TNFRSF13B: variants seen among roughly 807,000 people sequenced by gnomAD.
The protein encoded by TNFRSF13B is tumor necrosis factor receptor superfamily member 13B.
Under a neutral mutation model 24.0 loss-of-function variants are expected in TNFRSF13B, and 34 were observed. The observed-to-expected ratio is 1.41, with a 90% confidence interval of 1.08 to 1.88. The LOEUF (loss-of-function observed/expected upper bound fraction) is 1.88, where lower values mean the gene tolerates loss of function less well. Among genes scored for constraint, TNFRSF13B ranks in the 40% most tolerant of loss-of-function variants. The pLI, the probability that TNFRSF13B is intolerant of heterozygous loss-of-function variation, is 0.00. For missense variants in TNFRSF13B, 415 were observed against 380.8 expected, an observed-to-expected ratio of 1.09 and a Z score of -0.75; for synonymous variants, 173 against 150.3, an observed-to-expected ratio of 1.15 and a Z score of -1.10.
intron 1 of TNFRSF13B, among the ~76,000 whole-genome samples, chr17:16,970,112 G>A (rs973115049): frequency 6.6e-6 from 1 of 152,070 alleles, no homozygotes; most frequent in Admixed American, 6.6e-5. Flanking sequence ...GCCTGTCCCC[G>A]CCCCCTCCTC....
At chr17:16,940,842 G>C in intron 3 of TNFRSF13B, 4 of 1,247,292 alleles carry the variant, frequency 3.2e-6, no homozygotes, top group Non-Finnish European at 4.1e-6. Flanking sequence ...CGATGCTCCA[G>C]GGAGCATGTC....
At chr17:16,959,586 AGACT>A (rs1178824090) in intron 1 of TNFRSF13B, among the ~76,000 whole-genome samples, 1 of 152,078 alleles carries the variant, frequency 6.6e-6, no homozygotes, top group African/African-American at 2.4e-5. Context: ...ACCTTTAGGT[AGACT>A]GACTATGAAA....
intron 1 of TNFRSF13B, among the ~76,000 whole-genome samples, chr17:16,969,631 T>C (rs1272683600): frequency 6.6e-6 from 1 of 152,172 alleles, no homozygotes; most frequent in Non-Finnish European, 1.5e-5. Context: ...GTAAATATAC[T>C]AAAAACACAG....
At position 16,940,368 on chromosome 17, in the gene TNFRSF13B, G is replaced by T; in HGVS notation, c.589C>A (p.Pro197Thr). Reference sequence around the variant, plus strand: ...GGACTTTGACGGGGCCTTGAGCGGGGCTGGCAGGAGCAGGGATCCCCCCTC... The same window carrying T: ...GGACTTTGACGGGGCCTTGAGCGGGTCTGGCAGGAGCAGGGATCCCCCCTC... Reference protein sequence around the residue: ...KKRGDPCSCQPRSRPRQSPAK... With the variant: ...KKRGDPCSCQTRSRPRQSPAK... Residue 197 changes from proline to threonine, a missense_variant, in exon 4 of 5, where the codon CCC becomes ACC. By Grantham distance (38) the Pro-to-Thr change is conservative (BLOSUM62 -1). Coordinates refer to ENST00000261652, the MANE Select transcript of TNFRSF13B (RefSeq NM_012452.3). 1 of 1,613,944 alleles carries T rather than the reference G, an allele frequency of 6.2e-7. No homozygotes were observed. The highest frequency in any genetic ancestry group is 8.5e-7 in the Non-Finnish European group (1 of 1,180,012).
At chr17:16,941,527 G>C (rs1282869745) in intron 3 of TNFRSF13B, 1 of 987,518 alleles carries the variant, frequency 1.0e-6, no homozygotes, top group Non-Finnish European at 1.2e-6. Context: ...GTCAAGAAGA[G>C]CGAGTCCCAC....
chr17:16,953,862 C>T (rs577561397), intron 1 of TNFRSF13B, among the ~76,000 whole-genome samples: 6 of 152,254 alleles, frequency 3.9e-5, no homozygotes, highest in Admixed American at 1.3e-4. Flanking sequence ...CTCCACCTCC[C>T]GGGTTCAAGC....
chr17:16,942,872 G>T lies in TNFRSF13B; in HGVS notation c.446-2361C>A, dbSNP rs147505459. Among the ~76,000 whole-genome samples, 328 of 152,362 alleles carry T rather than the reference G, an allele frequency of 2.2e-3. 1 individual carries two copies. Among genetic ancestry groups the T allele is most frequent in the African/African-American group, 7.4e-3 (308 of 41,590 alleles). ...CATGCCCTGTGGACCTTCTGGGCTG[G>T]ACTGGGCCTCATCCTATCCAGGAGA... On this transcript the variant is annotated intron_variant, in intron 3 of 4. Transcript: ENST00000261652.
chr17:16,967,487 G>A (rs2087709942), intron 1 of TNFRSF13B, among the ~76,000 whole-genome samples: 1 of 151,714 alleles, frequency 6.6e-6, no homozygotes, highest in Admixed American at 6.6e-5. Context: ...GGGCGCAGTG[G>A]CTCACACCTG....
chr17:16,958,172 T>C (rs1212519125), intron 1 of TNFRSF13B, among the ~76,000 whole-genome samples: 1 of 152,002 alleles, frequency 6.6e-6, no homozygotes, highest in African/African-American at 2.4e-5. Context: ...TTATTCAAAC[T>C]AGGACGTCAT....
chr17:16,950,417 TGA>T (rs2087580699), intron 2 of TNFRSF13B, among the ~76,000 whole-genome samples: 1 of 152,268 alleles, frequency 6.6e-6, no homozygotes, highest in Non-Finnish European at 1.5e-5. Context: ...AATATTCATT[TGA>T]GCCTCTTCAC....
At position 16,939,576 on chromosome 17, in the gene TNFRSF13B, G is replaced by A; in HGVS notation, c.853C>T (p.Pro285Ser). 1 of 1,612,986 alleles carries A rather than the reference G, an allele frequency of 6.2e-7. No individual in the cohort carries two copies. Among genetic ancestry groups the A allele is most frequent in the Non-Finnish European group, 8.5e-7 (1 of 1,179,550 alleles). Residue 285 changes from proline to serine, a missense_variant, in exon 5 of 5, where the codon CCT becomes TCT. Pro to Ser is a moderately conservative substitution (Grantham distance 74). Coordinates refer to ENST00000261652, the MANE Select transcript of TNFRSF13B (RefSeq NM_012452.3). ...PDSGLGIVCV[P>S]AQEGGPGA ...GCACCTGGGCCCCCCTCCTGGGCAGGCACACACACAATGCCAAGGCCACTG... is the reference window on the plus strand; with the variant it reads ...GCACCTGGGCCCCCCTCCTGGGCAGACACACACACAATGCCAAGGCCACTG...
At chr17:16,954,384 T>C (rs561502130) in intron 1 of TNFRSF13B, among the ~76,000 whole-genome samples, 15 of 152,094 alleles carry the variant, frequency 9.9e-5, no homozygotes, top group African/African-American at 3.4e-4. Flanking sequence ...ACCCAGTCTC[T>C]AAAAAAGGAA....
At chr17:16,970,044 A>T (rs1298495140) in intron 1 of TNFRSF13B, among the ~76,000 whole-genome samples, 1 of 152,158 alleles carries the variant, frequency 6.6e-6, no homozygotes, top group African/African-American at 2.4e-5. Flanking sequence ...AAGCCACTGG[A>T]CCTGACAGAG....
chr17:16,969,579 A>G (rs886932096), intron 1 of TNFRSF13B, among the ~76,000 whole-genome samples: 3 of 152,230 alleles, frequency 2.0e-5, no homozygotes, highest in Non-Finnish European at 2.9e-5. Context: ...GGGGTCATCA[A>G]AATCTTCCAA....
At chr17:16,953,158 C>G (rs2087601923) in intron 1 of TNFRSF13B, among the ~76,000 whole-genome samples, 1 of 152,330 alleles carries the variant, frequency 6.6e-6, no homozygotes, top group Middle Eastern at 3.4e-3. Context: ...TGAGCACCAT[C>G]TGGCAGGGAC....
chr17:16,962,015 A>T (rs1158299915), intron 1 of TNFRSF13B, among the ~76,000 whole-genome samples: 1 of 152,178 alleles, frequency 6.6e-6, no homozygotes, highest in Non-Finnish European at 1.5e-5. Flanking sequence ...CCCCAGTGAC[A>T]GCTGCTTGAA....
intron 1 of TNFRSF13B, among the ~76,000 whole-genome samples, chr17:16,965,737 T>G (rs2087694312): frequency 6.6e-6 from 1 of 152,190 alleles, no homozygotes; most frequent in Non-Finnish European, 1.5e-5. Flanking sequence ...ACAAAGTGAC[T>G]GGGCCAGAAA....
intron 1 of TNFRSF13B, among the ~76,000 whole-genome samples, chr17:16,955,742 G>T (rs1484418034): frequency 6.6e-6 from 1 of 152,118 alleles, no homozygotes. Context: ...CTGGGAATCT[G>T]TGCCTCCTGC....
In TNFRSF13B at chr17:16,952,447, G is replaced by A; in HGVS notation, c.198C>T (p.Cys66=). The change falls in exon 2 of 5, where the codon TGC becomes TGT. Residue 66 remains cysteine (C), a splice_region_variant and synonymous_variant. Coordinates refer to ENST00000261652, the MANE Select transcript of TNFRSF13B (RefSeq NM_012452.3). ...HQSQRTCAAF[C]RSLSCRKEQG... is the part of the protein sequence containing the mutation. The stretch of plus-strand genomic sequence containing the variant: ...CTCGGCTCAGGCCCCAGAACTCACT[G>A]CAGAAGGCTGCACAGGTGCGCTGGC... 1.2e-6 allele frequency: 2 copies of A among 1,614,098 alleles called. No homozygotes were observed.
Sources: gnomAD v4.1 joint callset for allele counts (sites outside exome capture counted in the v4.1 genomes callset) on GRCh38, gnomAD v4.1.1 for gene constraint, MANE v1.5 for transcripts, NCBI Gene and HGNC (gene_info 2026-07-23, HGNC 2026-07-21) for gene names.